TRHDE: variants seen among roughly 807,000 people sequenced by gnomAD.
The protein encoded by TRHDE is thyrotropin releasing hormone degrading enzyme, also known as thyrotropin-releasing hormone-degrading ectoenzyme.
A neutral mutation model predicts 125.7 loss-of-function variants in TRHDE; 72 were observed. The ratio of observed to expected loss-of-function variants is 0.57; its 90% CI spans 0.47 to 0.70. TRHDE has a LOEUF of 0.70. TRHDE is among the 30% of genes least tolerant of loss of function. TRHDE has a pLI of 0.00. For missense variants in TRHDE, 1,110 were observed against 1,327.1 expected, an observed-to-expected ratio of 0.84 and a Z score of 2.54; for synonymous variants, 509 against 509.1, an observed-to-expected ratio of 1.00 and a Z score of 0.00.
At position 72,656,957 on chromosome 12, in the gene TRHDE, A is replaced by T; in HGVS notation, c.3015A>T (p.Lys1005Asn). Reference sequence around the variant, plus strand: ...GAGAAGCATTGTTTATGAATTCCAAACTCATCAGTGGTGTCACAGAATTTC... The same window carrying T: ...GAGAAGCATTGTTTATGAATTCCAATCTCATCAGTGGTGTCACAGAATTTC... The part of the protein sequence containing the change: ...RYGEALFMNS[K>N]LISGVTEFLN... The change falls in exon 18 of 19, where the codon AAA becomes AAT. Residue 1005 changes from lysine (K) to asparagine (N), a missense_variant. Physicochemically the swap from Lys to Asn is moderately conservative, Grantham distance 94 (BLOSUM62 0). This residue lies in a region of TRHDE where 527 missense variants were observed against 651.8 expected (regional missense o/e 0.81). Transcript: ENST00000261180. 1 of 1,611,312 alleles carries T rather than the reference A, an allele frequency of 6.2e-7. No homozygotes were observed. Among genetic ancestry groups the T allele is most frequent in the South Asian group, 1.1e-5 (1 of 90,680 alleles).
intron 1 of TRHDE, among the ~76,000 whole-genome samples, chr12:72,103,324 A>G (rs1199552092): frequency 6.6e-6 from 1 of 152,174 alleles, no homozygotes; most frequent in Non-Finnish European, 1.5e-5. Context: ...AAATATCACT[A>G]AATAATTATT....
intron 7 of TRHDE, among the ~76,000 whole-genome samples, chr12:72,554,579 G>A (rs1869833411): frequency 1.3e-5 from 2 of 152,174 alleles, no homozygotes; most frequent in South Asian, 4.1e-4. Flanking sequence ...GTACATGCCT[G>A]CAATCAGTGG....
intron 2 of TRHDE, among the ~76,000 whole-genome samples, chr12:72,141,048 A>G (rs536087057): frequency 6.6e-6 from 1 of 152,154 alleles, no homozygotes; most frequent in Admixed American, 6.5e-5. Flanking sequence ...TCAGAGAAGC[A>G]AAAAATGATT....
intron 12 of TRHDE, among the ~76,000 whole-genome samples, chr12:72,614,330 A>ATTTTTT (rs1555202261): frequency 7.7e-6 from 1 of 129,860 alleles, no homozygotes; most frequent in East Asian, 2.2e-4. Context: ...ATATATATAT[A>ATTTTTT]TTTTTTTTTT....
intron 1 of TRHDE, among the ~76,000 whole-genome samples, chr12:72,088,250 A>G (rs1592435342): frequency 6.6e-6 from 1 of 152,128 alleles, no homozygotes; most frequent in East Asian, 1.9e-4. Context: ...GTGAAGATCA[A>G]AAGATGATAA....
At chr12:72,258,535 TTTA>T (rs559027012) in intron 2 of TRHDE, among the ~76,000 whole-genome samples, 96 of 152,316 alleles carry the variant, frequency 6.3e-4, no homozygotes, top group Admixed American at 1.5e-3. Flanking sequence ...TAAAGTGGGT[TTTA>T]TTTTTTCATT....
intron 6 of TRHDE, among the ~76,000 whole-genome samples, chr12:72,502,240 G>A (rs935672467): frequency 1.3e-5 from 2 of 151,884 alleles, no homozygotes; most frequent in African/African-American, 4.8e-5. Flanking sequence ...TAAGGTAGAA[G>A]CTGAGGTCAT....
chr12:72,413,818 A>G (rs1486176506), intron 3 of TRHDE, among the ~76,000 whole-genome samples: 1 of 152,098 alleles, frequency 6.6e-6, no homozygotes, highest in Non-Finnish European at 1.5e-5. Context: ...TTGCTGTAGT[A>G]CAAATTTGAG....
At position 72,273,858 on chromosome 12, in the gene TRHDE, C is replaced by G. The variant is rs1879370552; in HGVS notation, c.914+301C>G. 2.8e-6 allele frequency: 1 copy of G among 361,494 alleles called. No homozygotes were observed. The highest frequency in any genetic ancestry group is 7.4e-5 in the South Asian group (1 of 13,602). 22.4% of individuals were successfully genotyped at this position (361,494 alleles called of 1,614,324 possible). A position where few individuals can be genotyped will look rare whatever the true frequency, so the allele number is the denominator to read the frequency against. Reference sequence around the variant, plus strand: ...TCCTTAGCCATCGAAACGCAGGGCTCTTTTTCTGAAGGGTAGCTGATAATC... The same window carrying G: ...TCCTTAGCCATCGAAACGCAGGGCTGTTTTTCTGAAGGGTAGCTGATAATC... On this transcript the variant is annotated intron_variant, in intron 1 of 18. Coordinates refer to ENST00000261180, the MANE Select transcript of TRHDE (RefSeq NM_013381.3). The surrounding 1 kb of genome is among the most constrained non-coding windows in gnomAD (Gnocchi z 5.3).
intron 15 of TRHDE, among the ~76,000 whole-genome samples, chr12:72,636,876 C>G (rs369816281): frequency 1.3e-5 from 2 of 152,010 alleles, no homozygotes; most frequent in South Asian, 2.1e-4. Flanking sequence ...GGTGGATAAG[C>G]TTTTTGATGT....
At chr12:72,297,302 A>G (rs1239840922) in intron 2 of TRHDE, among the ~76,000 whole-genome samples, 1 of 152,180 alleles carries the variant, frequency 6.6e-6, no homozygotes, top group African/African-American at 2.4e-5. Context: ...AAGTCACCAT[A>G]AAAGTAAAAT....
chr12:72,098,852 A>G (rs2139287620), intron 1 of TRHDE, among the ~76,000 whole-genome samples: 1 of 152,232 alleles, frequency 6.6e-6, no homozygotes, highest in Non-Finnish European at 1.5e-5. Context: ...CTGAGTCAAA[A>G]CCCACAGAAT....
chr12:72,202,464 T>A (rs1877579188), intron 2 of TRHDE, among the ~76,000 whole-genome samples: 1 of 152,222 alleles, frequency 6.6e-6, no homozygotes, highest in African/African-American at 2.4e-5. Flanking sequence ...GCTTAGAAAG[T>A]CAAACACTAT....
intron 5 of TRHDE, among the ~76,000 whole-genome samples, chr12:72,484,396 A>G (rs1227641264): frequency 2.0e-5 from 3 of 152,182 alleles, no homozygotes; most frequent in South Asian, 2.1e-4. Context: ...TATGGACAGG[A>G]TCCTGAAGTG....
intron 12 of TRHDE, among the ~76,000 whole-genome samples, chr12:72,599,539 G>T (rs527514618): frequency 3.3e-5 from 5 of 151,990 alleles, no homozygotes; most frequent in African/African-American, 1.2e-4. Flanking sequence ...ATCTGTTTAT[G>T]TCCTTTGCCC....
At chr12:72,480,817 A>G (rs1271750204) in intron 5 of TRHDE, among the ~76,000 whole-genome samples, 18 of 152,170 alleles carry the variant, frequency 1.2e-4, no homozygotes, top group Non-Finnish European at 8.8e-5. Context: ...ACCACTTGAT[A>G]AACCAAAAAA....
intron 2 of TRHDE, among the ~76,000 whole-genome samples, chr12:72,131,617 A>T (rs1875868560): frequency 6.6e-6 from 1 of 152,142 alleles, no homozygotes; most frequent in Non-Finnish European, 1.5e-5. Flanking sequence ...GTTGTGCTAC[A>T]GTTAACAAAA....
At chr12:72,201,014 A>G (rs1436766478) in intron 2 of TRHDE, among the ~76,000 whole-genome samples, 1 of 152,186 alleles carries the variant, frequency 6.6e-6, no homozygotes, top group Non-Finnish European at 1.5e-5. Flanking sequence ...GCAGCAGGTA[A>G]AAATTGCTAG....
chr12:72,184,927 C>T (rs1877170553), intron 2 of TRHDE, among the ~76,000 whole-genome samples: 1 of 152,214 alleles, frequency 6.6e-6, no homozygotes, highest in Non-Finnish European at 1.5e-5. Context: ...GCCTGGGCTC[C>T]CACTTTGGCG....
Sources: allele counts gnomAD v4.1 joint callset (sites outside exome capture counted in the v4.1 genomes callset), GRCh38; gene constraint gnomAD v4.1.1; regional missense constraint gnomAD v4.1.1; non-coding constraint Gnocchi (gnomAD v3.1); transcripts MANE v1.5; gene names NCBI Gene and HGNC (gene_info 2026-07-23, HGNC 2026-07-21).